Variants in ILDR1 observed in about 807,000 individuals in gnomAD.
ILDR1 encodes immunoglobulin like domain containing receptor 1.
In ILDR1, 56 loss-of-function variants were observed where a neutral mutation model predicts 62.4. The observed-to-expected ratio is 0.90, with a 90% CI of 0.72 to 1.12. The LOEUF (loss-of-function observed/expected upper bound fraction) is 1.12. Ranked by LOEUF, ILDR1 falls within the 50% of genes most tolerant of loss-of-function variation. The probability of loss-of-function intolerance (pLI) is 0.00; values close to 1 mark genes in which losing one functional copy is unlikely to be tolerated. For synonymous variants in ILDR1, 284 were observed against 277.8 expected, an observed-to-expected ratio of 1.02 and a Z score of -0.22; for missense variants, 736 against 710.6, an observed-to-expected ratio of 1.04 and a Z score of -0.41.
intron 3 of ILDR1, among the ~76,000 whole-genome samples, chr3:122,004,551 AG>A (rs2071575280): frequency 6.6e-6 from 1 of 152,228 alleles, no homozygotes; most frequent in Admixed American, 6.5e-5. Flanking sequence ...CTCCAGAGTC[AG>A]GGCTCTCACC....
the ILDR1 span, among the ~76,000 whole-genome samples, chr3:122,051,906 G>A: frequency 1.3e-5 from 2 of 152,164 alleles, no homozygotes; most frequent in South Asian, 2.1e-4. Flanking sequence ...GAGATTTTCT[G>A]GCTTCTCTTT....
intron 5 of ILDR1, among the ~76,000 whole-genome samples, chr3:121,998,135 C>T (rs1170012359): frequency 6.6e-6 from 1 of 152,202 alleles, no homozygotes; most frequent in Non-Finnish European, 1.5e-5. Context: ...GACTTCCTTT[C>T]TGTCTTCAGA....
At chr3:122,055,454 A>G in the ILDR1 span, 8 of 1,610,868 alleles carry the variant, frequency 5.0e-6, no homozygotes, top group African/African-American at 5.3e-5. Context: ...GAGTGGGGTC[A>G]TTTCCAGATA....
chr3:122,016,044 C>A (rs1401027791), intron 1 of ILDR1, among the ~76,000 whole-genome samples: 1 of 152,220 alleles, frequency 6.6e-6, no homozygotes, highest in Non-Finnish European at 1.5e-5. Context: ...TGCAGCCATG[C>A]ACATCTGGTC....
the ILDR1 span, among the ~76,000 whole-genome samples, chr3:122,029,511 A>AAAATATATATATATATATATATATAT: frequency 1.4e-5 from 2 of 139,476 alleles, no homozygotes; most frequent in African/African-American, 2.8e-5. Context: ...GTCTAAAAAA[A>AAAATATATATATATATATATATATAT]ATATATATAT....
the ILDR1 span, among the ~76,000 whole-genome samples, chr3:122,042,614 T>G: frequency 6.6e-6 from 1 of 151,648 alleles, no homozygotes; most frequent in African/African-American, 2.4e-5. Flanking sequence ...CCATTCTAAC[T>G]GGTGTGAGAT....
chr3:122,033,453 C>T, the ILDR1 span, among the ~76,000 whole-genome samples: 1 of 151,624 alleles, frequency 6.6e-6, no homozygotes, highest in Non-Finnish European at 1.5e-5. Context: ...ATTTTGCTCT[C>T]TTAATGCTAT....
At chr3:122,023,700 C>T (rs2107684852), upstream of ILDR1, among the ~76,000 whole-genome samples, 1 of 152,218 alleles carries the variant, frequency 6.6e-6, no homozygotes, top group East Asian at 1.9e-4. Context: ...CTCTTCTCTT[C>T]CAGAGAGTAA....
chr3:122,057,974 C>T, the ILDR1 span, among the ~76,000 whole-genome samples: 71 of 152,304 alleles, frequency 4.7e-4, no homozygotes, highest in African/African-American at 1.4e-3. Context: ...AACTTCCTAG[C>T]TATGTGATTT....
At chr3:122,009,324 AACACACACACACAC>A (rs60284951) in intron 1 of ILDR1, among the ~76,000 whole-genome samples, 7 of 137,812 alleles carry the variant, frequency 5.1e-5, no homozygotes, top group African/African-American at 1.3e-4. Context: ...CTCAATTTAA[AACACACACACACAC>A]ACACACACAC....
the ILDR1 span, among the ~76,000 whole-genome samples, chr3:122,053,321 A>C: frequency 6.6e-6 from 1 of 152,252 alleles, no homozygotes; most frequent in African/African-American, 2.4e-5. Context: ...TCTTCTGCAA[A>C]GTTGTAGGAG....
the ILDR1 span, among the ~76,000 whole-genome samples, chr3:122,045,525 G>C: frequency 6.6e-6 from 1 of 151,152 alleles, no homozygotes; most frequent in Non-Finnish European, 1.5e-5. Context: ...GGGTGTTAAA[G>C]TCTCCCATTA....
upstream of ILDR1, chr3:122,025,277 G>T: frequency 6.6e-6 from 1 of 152,270 alleles, no homozygotes. Context: ...ATAACCAATT[G>T]AGATAACTCA....
rs34284625 is a variant in ILDR1, at chr3:121,993,251, G to A, written c.1498C>T (p.His500Tyr). ...TTCTCCTCGGGCCAGTGTGGGGAGT[G>A]CGAGCCGCGGCGGTGGGCCCGCCAG... is the stretch of plus-strand genomic sequence containing the variant. Reference protein sequence around the residue: ...QSWRAHRRGSHSPHWPEEKPP... With the variant: ...QSWRAHRRGSYSPHWPEEKPP... Residue 500 changes from histidine (H) to tyrosine (Y), a missense_variant, in exon 7 of 8, where the codon CAC becomes TAC. By Grantham distance (83) the His-to-Tyr change is moderately conservative. Transcript: ENST00000344209. 7.3e-3 allele frequency: 11,718 copies of A among 1,613,562 alleles called. 673 individuals carry two copies. The African/African-American group carries it at 0.13, about 18-fold the overall frequency.
At chr3:121,995,148 C>A (rs2071417786) in intron 5 of ILDR1, among the ~76,000 whole-genome samples, 1 of 152,214 alleles carries the variant, frequency 6.6e-6, no homozygotes, top group African/African-American at 2.4e-5. Flanking sequence ...AAATTAAAAA[C>A]AAAAGCATTT....
chr3:122,021,915 G>T, intron 1 of ILDR1, 105 bp downstream of exon 1: 2 of 1,125,932 alleles, frequency 1.8e-6, no homozygotes, highest in Non-Finnish European at 2.6e-6. Context: ...CCAGAGCGCG[G>T]CCCAGGCCTC....
At chr3:122,031,738 A>G in the ILDR1 span, among the ~76,000 whole-genome samples, 9 of 152,288 alleles carry the variant, frequency 5.9e-5, no homozygotes, top group African/African-American at 2.2e-4. Context: ...ATCTGCCAGA[A>G]TCTTGATCTT....
chr3:122,049,709 T>G, the ILDR1 span, among the ~76,000 whole-genome samples: 1 of 152,232 alleles, frequency 6.6e-6, no homozygotes, highest in Non-Finnish European at 1.5e-5. Context: ...GGTTGAAACT[T>G]AATCCCCATT....
At chr3:122,022,396 C>G (rs2071875559), upstream of ILDR1, 5 of 328,186 alleles carry the variant, frequency 1.5e-5, no homozygotes, top group Non-Finnish European at 2.8e-5. Flanking sequence ...TCCCCCACCC[C>G]GCTGACGGAG....
Sources: allele counts gnomAD v4.1 joint callset (sites outside exome capture counted in the v4.1 genomes callset), GRCh38; gene constraint gnomAD v4.1.1; transcripts MANE v1.5; gene names NCBI Gene and HGNC (gene_info 2026-07-23, HGNC 2026-07-21).